Variants in MVK observed in about 807,000 individuals in gnomAD.
The protein encoded by MVK is LH receptor mRNA-binding protein.
In MVK, 34 loss-of-function variants were observed where a neutral mutation model predicts 43.2. The observed-to-expected ratio is 0.79, with a 90% confidence interval of 0.60 to 1.05. The LOEUF is 1.05. Ranked by LOEUF, MVK falls within the 50% of genes least tolerant of loss-of-function variation. The pLI, the probability that MVK is intolerant of heterozygous loss-of-function variation, is 0.00. For synonymous variants in MVK, 190 were observed against 219.8 expected (o/e 0.86, Z 1.20); for missense variants, 395 against 504.0 (o/e 0.78, Z 2.07).
intron 5 of MVK, 122 bp downstream of exon 5, chr12:109,581,672 A>T: frequency 1.4e-6 from 2 of 1,416,450 alleles, no homozygotes; most frequent in East Asian, 2.4e-5. Flanking sequence ...CCATTTTAAC[A>T]TGAGGAAGCT....
chr12:109,593,660 C>T lies in MVK; in HGVS notation c.886-1368C>T, dbSNP rs117426252. 6.8e-4 allele frequency among the ~76,000 whole-genome samples: 103 copies of T among 151,490 alleles called. 1 individual carries two copies. The East Asian group carries it at 0.019, about 28-fold the overall frequency. On this transcript the variant is annotated intron_variant, in intron 9 of 10. Transcript: ENST00000228510. ...ATAAAAATACTAACAGCACATATCT[C>T]GTGCCAGGCATTGAACAGAAAACTC... is the stretch of plus-strand genomic sequence containing the variant.
At chr12:109,581,955 T>A (rs1885236907) in intron 5 of MVK, among the ~76,000 whole-genome samples, 1 of 152,160 alleles carries the variant, frequency 6.6e-6, no homozygotes, top group Non-Finnish European at 1.5e-5. Context: ...GCCCTAGGGG[T>A]GATTGTCCAG....
rs192805865 is a variant in MVK, at chr12:109,581,634, C to T, written c.527+84C>T. 2.4e-4 allele frequency: 381 copies of T among 1,577,032 alleles called. No homozygotes were observed. In the Middle Eastern group the frequency reaches 2.7e-3, roughly 11 times the overall value. On this transcript the variant is annotated intron_variant, in intron 5 of 10. Transcript: ENST00000228510. ...TTCTCTCACTGAGACCTCACCACCT[C>T]CCTGTGAGGTGAGAGGTGTCATAGT... is the stretch of plus-strand genomic sequence containing the variant.
At chr12:109,577,457 G>C (rs1283703042) in intron 3 of MVK, among the ~76,000 whole-genome samples, 1 of 152,176 alleles carries the variant, frequency 6.6e-6, no homozygotes, top group Non-Finnish European at 1.5e-5. Flanking sequence ...GCCGTATGGG[G>C]ATGGAGGAAG....
At chr12:109,591,506 A>C in intron 9 of MVK, 149 bp downstream of exon 9, 1 of 751,400 alleles carries the variant, frequency 1.3e-6, no homozygotes, top group Non-Finnish European at 2.3e-6. Context: ...AGCTGGGCCC[A>C]GGTCTGTGCG....
intron 3 of MVK, among the ~76,000 whole-genome samples, chr12:109,578,007 A>G (rs1238416802): frequency 6.6e-6 from 1 of 152,124 alleles, no homozygotes; most frequent in Non-Finnish European, 1.5e-5. Context: ...AGACCACTCC[A>G]ACTCCCTCAG....
chr12:109,591,944 G>A (rs1445877813), intron 9 of MVK, among the ~76,000 whole-genome samples: 4 of 152,162 alleles, frequency 2.6e-5, no homozygotes, highest in Admixed American at 6.5e-5. Context: ...TCGCTAGAGT[G>A]TCTTAAGAAT....
Position 109,574,918 on chromosome 12 carries a change from C to G in MVK, c.78+18C>G. ...ATGGCAAGGTACAAAGCCGTTAGAG[C>G]CTTTAAGGATTGGGTACCCCTTCTC... is the stretch of plus-strand genomic sequence containing the variant. On this transcript the variant is annotated intron_variant, in intron 2 of 10. Coordinates refer to ENST00000228510, the MANE Select transcript of MVK (RefSeq NM_000431.4). 6.3e-7 allele frequency: 1 copy of G among 1,598,392 alleles called. No homozygotes were observed. The highest frequency in any genetic ancestry group is 8.5e-7 in the Non-Finnish European group (1 of 1,171,692).
At chr12:109,580,412 CTGT>C (rs1368884206) in intron 4 of MVK, among the ~76,000 whole-genome samples, 2 of 152,170 alleles carry the variant, frequency 1.3e-5, no homozygotes, top group African/African-American at 4.8e-5. Context: ...CCCAGCCTCT[CTGT>C]TGTTGTTTTT....
At chr12:109,579,287 G>A (rs1303028409) in intron 3 of MVK, 1 of 395,746 alleles carries the variant, frequency 2.5e-6, no homozygotes, top group Non-Finnish European at 5.0e-6. Context: ...CCACAGGTGT[G>A]CGCCACCATG....
chr12:109,579,969 G>A, intron 4 of MVK, 23 bp downstream of exon 4: 1 of 1,614,140 alleles, frequency 6.2e-7, no homozygotes, highest in Non-Finnish European at 8.5e-7. Flanking sequence ...TCTGGGGAAG[G>A]AGTCCAGATT....
chr12:109,590,289 C>T (rs537375581), intron 7 of MVK: 2 of 303,760 alleles, frequency 6.6e-6, no homozygotes, highest in African/African-American at 4.3e-5. Context: ...TTGTACTCTG[C>T]TATAGCCACT....
intron 7 of MVK, chr12:109,590,501 C>T: frequency 3.9e-6 from 2 of 511,412 alleles, no homozygotes; most frequent in South Asian, 2.0e-5. Flanking sequence ...CCCAAGGCCA[C>T]GCTGTGCCTA....
At position 109,595,091 on chromosome 12, in the gene MVK, C is replaced by T. The variant is rs1191306569; in HGVS notation, c.949C>T (p.Gln317Ter). 1 of 1,614,182 alleles carries T rather than the reference C, an allele frequency of 6.2e-7. No individual in the cohort carries two copies. The highest frequency in any genetic ancestry group is 1.1e-5 in the South Asian group (1 of 91,082). Residue 317 changes from glutamine to a stop codon, truncating the protein, a stop_gained, in exon 10 of 11, where the codon CAG becomes TAG. Transcript: ENST00000228510. LOFTEE classifies it high-confidence loss of function. The surrounding 1 kb of genome is among the most constrained non-coding windows in gnomAD (Gnocchi z 5.9). Reference protein sequence around the residue: ...ALGVGHASLDQLCQVTRARGL... With the variant: ...ALGVGHASLD The stretch of plus-strand genomic sequence containing the variant: ...CGGCGTGGGCCACGCCTCTCTGGAC[C>T]AGCTCTGCCAGGTGACCAGGGCCCG...
intron 4 of MVK, among the ~76,000 whole-genome samples, chr12:109,580,514 C>T (rs1257926411): frequency 6.6e-6 from 1 of 152,140 alleles, no homozygotes; most frequent in Non-Finnish European, 1.5e-5. Context: ...GCTCAGTGGC[C>T]AGGCTCTATG....
chr12:109,586,686 C>G, intron 6 of MVK, 68 bp from the exon 7 acceptor site: 1 of 1,577,830 alleles, frequency 6.3e-7, no homozygotes. Context: ...AAAGTTCAAC[C>G]TCTCTCCCAA....
intron 3 of MVK, among the ~76,000 whole-genome samples, chr12:109,578,011 C>T (rs947068212): frequency 6.6e-6 from 1 of 152,194 alleles, no homozygotes; most frequent in Non-Finnish European, 1.5e-5. Flanking sequence ...CACTCCAACT[C>T]CCTCAGTGAA....
chr12:109,573,777 C>A (rs1266508903), upstream of MVK: 1 of 443,520 alleles, frequency 2.3e-6, no homozygotes, highest in African/African-American at 2.0e-5. Flanking sequence ...AACGCCTCCT[C>A]CCCTTGAGGC....
chr12:109,595,253 G>A lies in MVK; in HGVS notation c.1039+72G>A. On this transcript the variant is annotated intron_variant, in intron 10 of 10. Coordinates refer to ENST00000228510, the MANE Select transcript of MVK (RefSeq NM_000431.4). The surrounding 1 kb of genome is among the most constrained non-coding windows in gnomAD (Gnocchi z 5.9). ...AGGGGTCCACCTGGAGAATTCCCTT[G>A]AAAGGAAAAAGAGACCTGGAAACAG... 2 of 1,588,624 alleles carry A rather than the reference G, an allele frequency of 1.3e-6. No individual in the cohort carries two copies. The highest frequency in any genetic ancestry group is 1.7e-6 in the Non-Finnish European group (2 of 1,170,324).
Sources: allele counts gnomAD v4.1 joint callset (sites outside exome capture counted in the v4.1 genomes callset), GRCh38; gene constraint gnomAD v4.1.1; non-coding constraint Gnocchi (gnomAD v3.1); transcripts MANE v1.5; gene names NCBI Gene and HGNC (gene_info 2026-07-23, HGNC 2026-07-21).